Variants in SATL1 observed in about 807,000 individuals in gnomAD.
SATL1 encodes the protein spermidine/spermine N(1)-acetyltransferase-like protein 1.
Under a neutral mutation model 51.8 loss-of-function variants are expected in SATL1, and 47 were observed. The observed-to-expected ratio is 0.91, with a 90% CI of 0.72 to 1.16. The LOEUF is 1.16. SATL1 is among the 50% of genes most tolerant of loss of function. SATL1 has a pLI of 0.00. For synonymous variants in SATL1, 176 were observed against 182.4 expected (o/e 0.97, Z 0.28); for missense variants, 520 against 526.4 (o/e 0.99, Z 0.12).
intron 2 of SATL1, chrX:85,207,292 T>C (rs1243977471): frequency 9.0e-6 from 1 of 111,458 alleles, no homozygotes; most frequent in Non-Finnish European, 1.9e-5. Flanking sequence ...CTGTAACAAT[T>C]GGAAAAACTT....
chrX:85,127,501 A>G (rs1188747676), intron 2 of SATL1, among the ~76,000 whole-genome samples: 1 of 111,360 alleles, frequency 9.0e-6, no homozygotes, highest in East Asian at 2.8e-4. Context: ...CATTCTTTCC[A>G]TTTGTAAAAC....
At chrX:85,228,184 A>G (rs1928312862) in intron 1 of SATL1, among the ~76,000 whole-genome samples, 2 of 111,146 alleles carry the variant, frequency 1.8e-5, no homozygotes, top group South Asian at 7.6e-4. Context: ...TCAGAAGATA[A>G]CTTCCAACTG....
chrX:85,197,778 G>A (rs1927604199), intron 2 of SATL1, among the ~76,000 whole-genome samples: 1 of 108,760 alleles, frequency 9.2e-6, no homozygotes, highest in African/African-American at 3.4e-5. Context: ...ATAGTTTACT[G>A]AGAATGATGA....
intron 2 of SATL1, among the ~76,000 whole-genome samples, chrX:85,145,626 C>T (rs1272222741): frequency 9.0e-6 from 1 of 111,300 alleles, no homozygotes; most frequent in Non-Finnish European, 1.9e-5. Flanking sequence ...AAGTAGAGTA[C>T]CACCTATTTG....
At chrX:85,187,064 A>AAT (rs1927327998) in intron 2 of SATL1, among the ~76,000 whole-genome samples, 1 of 111,847 alleles carries the variant, frequency 8.9e-6, no homozygotes, top group African/African-American at 3.2e-5. Flanking sequence ...AGCGTTTTGT[A>AAT]GTTTTGATTT....
At chrX:85,172,886 G>A (rs1270378922) in intron 2 of SATL1, among the ~76,000 whole-genome samples, 1 of 110,394 alleles carries the variant, frequency 9.1e-6, no homozygotes, top group Admixed American at 9.7e-5. Flanking sequence ...CTATAAGATG[G>A]GCATCTATAT....
chrX:85,235,301 T>C (rs1484742813), intron 1 of SATL1, among the ~76,000 whole-genome samples: 3 of 110,762 alleles, frequency 2.7e-5, no homozygotes, highest in East Asian at 5.6e-4. Flanking sequence ...AGATCATCCG[T>C]ACAAAAAATC....
At chrX:85,156,265 T>A (rs1926583983) in intron 2 of SATL1, 1 of 111,701 alleles carries the variant, frequency 9.0e-6, no homozygotes. Context: ...AAAAGATTTA[T>A]AACCAATTAA....
intron 2 of SATL1, among the ~76,000 whole-genome samples, chrX:85,148,696 T>C (rs190150502): frequency 1.8e-5 from 2 of 111,626 alleles, no homozygotes; most frequent in East Asian, 5.6e-4. Flanking sequence ...CAACCCAGAA[T>C]TTCATATGCA....
chrX:85,236,947 T>A (rs1022685100), intron 1 of SATL1, among the ~76,000 whole-genome samples: 1 of 111,321 alleles, frequency 9.0e-6, no homozygotes, highest in Non-Finnish European at 1.9e-5. Context: ...TAAGAACTGG[T>A]AAACAAATTC....
chrX:85,222,625 A>C (rs1170929445), intron 2 of SATL1, among the ~76,000 whole-genome samples: 3 of 111,350 alleles, frequency 2.7e-5, no homozygotes, highest in Admixed American at 1.9e-4. Flanking sequence ...AATTACAATC[A>C]GGTCTGTTTG....
At chrX:85,187,659 G>C (rs1410563684) in intron 2 of SATL1, among the ~76,000 whole-genome samples, 1 of 111,182 alleles carries the variant, frequency 9.0e-6, no homozygotes, top group Non-Finnish European at 1.9e-5. Flanking sequence ...CACACTCCTG[G>C]GATAAATTCC....
intron 2 of SATL1, chrX:85,210,930 G>GT (rs1343845042): frequency 3.4e-4 from 38 of 111,138 alleles, no homozygotes; most frequent in Admixed American, 2.4e-3. Flanking sequence ...TTTTTTTCCT[G>GT]TTTGTATCGG....
intron 2 of SATL1, among the ~76,000 whole-genome samples, chrX:85,148,359 G>A (rs867837239): frequency 5.7e-4 from 63 of 109,636 alleles, no homozygotes; most frequent in African/African-American, 2.0e-3. Flanking sequence ...TGAAAGTGAC[G>A]GGGAGAATGG....
At chrX:85,173,808 A>G (rs1927027328) in intron 2 of SATL1, among the ~76,000 whole-genome samples, 1 of 109,582 alleles carries the variant, frequency 9.1e-6, no homozygotes, top group Non-Finnish European at 1.9e-5. Context: ...GTTCTAGGGT[A>G]CATGTGTGCA....
intron 2 of SATL1, among the ~76,000 whole-genome samples, chrX:85,174,235 C>T (rs187732930): frequency 5.4e-5 from 6 of 110,304 alleles, no homozygotes; most frequent in African/African-American, 1.3e-4. Flanking sequence ...AATAAACATA[C>T]GTGTGCATGT....
At chrX:85,228,484 G>A (rs1384778272) in intron 1 of SATL1, among the ~76,000 whole-genome samples, 1 of 111,400 alleles carries the variant, frequency 9.0e-6, no homozygotes, top group Non-Finnish European at 1.9e-5. Context: ...TCCTTTAGAA[G>A]AAAATCCCTC....
At chrX:85,118,737 A>C (rs768679817) in intron 2 of SATL1, among the ~76,000 whole-genome samples, 8 of 111,232 alleles carry the variant, frequency 7.2e-5, no homozygotes, top group African/African-American at 2.6e-4. Context: ...GTATTCTTGA[A>C]AATCACTGGG....
chrX:85,127,708 C>T (rs1053243471), intron 2 of SATL1, among the ~76,000 whole-genome samples: 18 of 111,203 alleles, frequency 1.6e-4, no homozygotes, highest in Non-Finnish European at 3.2e-4. Flanking sequence ...AGGTGTGTTA[C>T]TTATGTATAC....
Sources: gnomAD v4.1 joint callset for allele counts (sites outside exome capture counted in the v4.1 genomes callset) on GRCh38, gnomAD v4.1.1 for gene constraint, MANE v1.5 for transcripts, NCBI Gene and HGNC (gene_info 2026-07-23, HGNC 2026-07-21) for gene names.